Variants in ROBO2 observed in about 807,000 individuals in gnomAD.
ROBO2 encodes the protein roundabout guidance receptor 2, also known as roundabout homolog 2.
ROBO2 carries 53 observed loss-of-function variants against 160.8 expected under a neutral mutation model. That is an observed-to-expected ratio of 0.33 (90% CI 0.26 to 0.41). The LOEUF is 0.41. ROBO2 is among the 10% of genes least tolerant of loss of function. The pLI is 1.00. For synonymous variants in ROBO2, 664 were observed against 611.7 expected, an observed-to-expected ratio of 1.09 and a Z score of -1.26; for missense variants, 1,577 against 1,722.4, an observed-to-expected ratio of 0.92 and a Z score of 1.49.
At chr3:76,680,089 A>T (rs375301289) in intron 2 of ROBO2, among the ~76,000 whole-genome samples, 12 of 152,140 alleles carry the variant, frequency 7.9e-5, no homozygotes, top group African/African-American at 2.9e-4. Context: ...ATGATTAGAA[A>T]TCTTAAATTC....
intron 2 of ROBO2, among the ~76,000 whole-genome samples, chr3:76,639,501 C>T (rs2090535839): frequency 1.3e-5 from 2 of 151,802 alleles, no homozygotes; most frequent in Admixed American, 1.3e-4. Flanking sequence ...TATCCCCAAA[C>T]TGAGAGAACA....
At chr3:76,414,200 T>C (rs945825714) in intron 2 of ROBO2, among the ~76,000 whole-genome samples, 1 of 152,166 alleles carries the variant, frequency 6.6e-6, no homozygotes, top group African/African-American at 2.4e-5. Context: ...ACAATTCAAG[T>C]TGAGATTTCA....
chr3:75,951,448 G>C (rs564136608), intron 2 of ROBO2, among the ~76,000 whole-genome samples: 1 of 152,010 alleles, frequency 6.6e-6, no homozygotes, highest in African/African-American at 2.4e-5. Flanking sequence ...ACAATTTTTA[G>C]CTCTCAGCCA....
chr3:76,945,633 A>G (rs1300443631), intron 2 of ROBO2, among the ~76,000 whole-genome samples: 1 of 152,184 alleles, frequency 6.6e-6, no homozygotes, highest in Admixed American at 6.5e-5. Flanking sequence ...TAGTTGTTTA[A>G]TACTTTTTCC....
intron 2 of ROBO2, among the ~76,000 whole-genome samples, chr3:76,994,082 C>T (rs1253817331): frequency 1.8e-5 from 2 of 108,566 alleles, no homozygotes; most frequent in African/African-American, 8.3e-5. Context: ...CAAAGATGTG[C>T]TTTTTTTGTT....
At chr3:77,506,984 T>A (rs2088630309) in intron 5 of ROBO2, among the ~76,000 whole-genome samples, 1 of 152,138 alleles carries the variant, frequency 6.6e-6, no homozygotes, top group South Asian at 2.1e-4. Flanking sequence ...TTGAGATGAA[T>A]GTATATTTTT....
intron 2 of ROBO2, among the ~76,000 whole-genome samples, chr3:76,085,739 T>C (rs997969648): frequency 1.3e-5 from 2 of 152,120 alleles, no homozygotes; most frequent in African/African-American, 4.8e-5. Flanking sequence ...AGTGCCACAC[T>C]AGGGAAACCT....
chr3:77,521,692 G>A (rs536459339), intron 5 of ROBO2, among the ~76,000 whole-genome samples: 1 of 151,172 alleles, frequency 6.6e-6, no homozygotes, highest in South Asian at 2.1e-4. Context: ...TCATGTCAAG[G>A]TCTATAAATT....
chr3:76,038,511 A>G (rs1203601577), intron 2 of ROBO2, among the ~76,000 whole-genome samples: 1 of 151,936 alleles, frequency 6.6e-6, no homozygotes, highest in East Asian at 1.9e-4. Flanking sequence ...ACTGATCAAT[A>G]TAGGGTTAGG....
In ROBO2 at chr3:76,131,253, T is replaced by G. The variant is rs546054088; in HGVS notation, c.109+193651T>G. Among the ~76,000 whole-genome samples, 65 of 152,292 alleles carry G rather than the reference T, an allele frequency of 4.3e-4. 1 individual carries two copies. In the South Asian group the frequency reaches 4.8e-3, roughly 11 times the overall value. On this transcript the variant is annotated intron_variant, in intron 2 of 26. Coordinates refer to the ROBO2 transcript ENST00000487694. ...AGATAGCAGCATAGTCTCCATTCAT[T>G]CCAGTGGAATTTATGAAATGAAGAT...
At chr3:77,419,463 T>C (rs1257049018) in intron 2 of ROBO2, among the ~76,000 whole-genome samples, 1 of 152,066 alleles carries the variant, frequency 6.6e-6, no homozygotes, top group Non-Finnish European at 1.5e-5. Flanking sequence ...CATGAGGACA[T>C]ATATTACTAT....
At chr3:77,284,927 T>C (rs984289838) in intron 2 of ROBO2, among the ~76,000 whole-genome samples, 22 of 152,168 alleles carry the variant, frequency 1.4e-4, no homozygotes, top group Non-Finnish European at 3.1e-4. Flanking sequence ...GTAATGAATA[T>C]GTGTAATTAT....
chr3:77,356,702 A>G (rs931273917), intron 2 of ROBO2, among the ~76,000 whole-genome samples: 1 of 152,176 alleles, frequency 6.6e-6, no homozygotes, highest in Non-Finnish European at 1.5e-5. Flanking sequence ...TATGCAAGGA[A>G]TGATACCATA....
chr3:76,697,791 A>T (rs2107373556), intron 2 of ROBO2, among the ~76,000 whole-genome samples: 1 of 152,318 alleles, frequency 6.6e-6, no homozygotes, highest in African/African-American at 2.4e-5. Context: ...TTTTGAGCCA[A>T]AATGAAATAA....
At chr3:77,102,777 G>A (rs2072155316) in intron 2 of ROBO2, among the ~76,000 whole-genome samples, 1 of 146,234 alleles carries the variant, frequency 6.8e-6, no homozygotes, top group Admixed American at 6.9e-5. Context: ...CAATACAGCA[G>A]AGGGAAAAAA....
At chr3:77,016,221 C>CT (rs1433313154) in intron 2 of ROBO2, among the ~76,000 whole-genome samples, 1 of 152,082 alleles carries the variant, frequency 6.6e-6, no homozygotes, top group Non-Finnish European at 1.5e-5. Flanking sequence ...CATGATCCGC[C>CT]GCCTCGGCCT....
At position 76,724,254 on chromosome 3, in the gene ROBO2, C is replaced by T. The variant is rs75627782; in HGVS notation, c.110-373760C>T. On this transcript the variant is annotated intron_variant, in intron 2 of 26. Transcript: ENST00000487694. ...AGCTCCTGACCAGCCCTCTGGACCC[C>T]CTTAGGCCAAGATCATGCCACCACA... 5.7e-3 allele frequency among the ~76,000 whole-genome samples: 872 copies of T among 152,228 alleles called. 31 individuals are homozygous for T. The highest frequency in any genetic ancestry group is 0.048 in the Admixed American group (740 of 15,276).
chr3:76,831,050 C>T (rs1235965438), intron 2 of ROBO2, among the ~76,000 whole-genome samples: 2 of 152,034 alleles, frequency 1.3e-5, no homozygotes, highest in Admixed American at 6.6e-5. Context: ...ATTAGAATTG[C>T]TGCCATTATC....
intron 2 of ROBO2, among the ~76,000 whole-genome samples, chr3:77,146,749 C>G (rs1339066307): frequency 3.9e-5 from 6 of 152,104 alleles, no homozygotes; most frequent in Non-Finnish European, 4.4e-5. Context: ...GGGCAGATCA[C>G]TGAGATGAGG....
Sources: gnomAD v4.1 joint callset for allele counts (sites outside exome capture counted in the v4.1 genomes callset) on GRCh38, gnomAD v4.1.1 for gene constraint, MANE v1.5 for transcripts, NCBI Gene and HGNC (gene_info 2026-07-23, HGNC 2026-07-21) for gene names.